RPS6KC1: variants seen among roughly 807,000 people sequenced by gnomAD.
RPS6KC1 encodes ribosomal protein S6 kinase C1.
Under a neutral mutation model 103.8 loss-of-function variants are expected in RPS6KC1, and 54 were observed. The ratio of observed to expected loss-of-function variants is 0.52; its 90% CI spans 0.42 to 0.65. RPS6KC1 has a LOEUF of 0.65. RPS6KC1 is among the 30% of genes least tolerant of loss of function. The pLI, the probability that RPS6KC1 is intolerant of heterozygous loss-of-function variation, is 0.00. For missense variants in RPS6KC1, 1,151 were observed against 1,253.8 expected (o/e 0.92, Z 1.24); for synonymous variants, 439 against 438.7 (o/e 1.00, Z -0.01).
At chr1:213,522,602 A>G in the RPS6KC1 span, among the ~76,000 whole-genome samples, 2 of 152,226 alleles carry the variant, frequency 1.3e-5, no homozygotes, top group African/African-American at 4.8e-5. Flanking sequence ...TGTTTAGTGT[A>G]GCCACCTCCA....
intron 3 of RPS6KC1, among the ~76,000 whole-genome samples, chr1:213,085,655 C>CT (rs1176577964): frequency 2.0e-5 from 3 of 152,076 alleles, no homozygotes; most frequent in Non-Finnish European, 4.4e-5. Context: ...TTCCTTCTCC[C>CT]TTTATCTGTG....
the RPS6KC1 span, among the ~76,000 whole-genome samples, chr1:213,516,229 C>G: frequency 3.1e-4 from 47 of 152,268 alleles, no homozygotes; most frequent in African/African-American, 1.1e-3. Context: ...ATTTCCTTCT[C>G]CTGCCTGATT....
chr1:213,097,427 A>G (rs1272824494), intron 3 of RPS6KC1, among the ~76,000 whole-genome samples: 1 of 152,232 alleles, frequency 6.6e-6, no homozygotes, highest in African/African-American at 2.4e-5. Flanking sequence ...TCAGTAGACC[A>G]TGCTATTAAC....
the RPS6KC1 span, among the ~76,000 whole-genome samples, chr1:213,491,373 C>A: frequency 3.2e-3 from 481 of 152,190 alleles, 1 homozygote; most frequent in African/African-American, 0.011. Context: ...CACGGTGAAA[C>A]CCCATTTCTA....
the RPS6KC1 span, among the ~76,000 whole-genome samples, chr1:213,702,832 A>G: frequency 7.3e-6 from 1 of 137,456 alleles, no homozygotes; most frequent in Non-Finnish European, 1.5e-5. Context: ...TCTTGTAGGC[A>G]ACAGATCATT....
chr1:213,611,324 C>A, the RPS6KC1 span, among the ~76,000 whole-genome samples: 1 of 152,008 alleles, frequency 6.6e-6, no homozygotes, highest in African/African-American at 2.4e-5. Context: ...ACCGAGCTGC[C>A]CCCATGAAGC....
the RPS6KC1 span, among the ~76,000 whole-genome samples, chr1:213,306,493 C>G: frequency 6.6e-6 from 1 of 152,158 alleles, no homozygotes; most frequent in Non-Finnish European, 1.5e-5. Context: ...ATATGTGAAG[C>G]TGTATGCCTT....
the RPS6KC1 span, among the ~76,000 whole-genome samples, chr1:213,860,116 G>A: frequency 6.6e-6 from 1 of 150,716 alleles, no homozygotes; most frequent in African/African-American, 2.4e-5. Context: ...TATATATTCA[G>A]ATATATATAC....
the RPS6KC1 span, among the ~76,000 whole-genome samples, chr1:213,629,032 T>C: frequency 6.6e-6 from 1 of 152,190 alleles, no homozygotes; most frequent in Non-Finnish European, 1.5e-5. Context: ...ATAGGTGTGG[T>C]GTAGTGCTAA....
rs557718992 is a variant in RPS6KC1, at chr1:213,217,531, C to T, written c.1045-12966C>T. Among the ~76,000 whole-genome samples the T allele has an allele frequency of 7.2e-5, 11 of 152,274 alleles. No homozygotes were observed. In the South Asian group the frequency reaches 2.1e-3, roughly 29 times the overall value. ...TCCCTAACTCATTTTATGAGGCCAG[C>T]GTCATCCTGATACCAAAGCCTGACA... is the stretch of plus-strand genomic sequence containing the variant. On this transcript the variant is annotated intron_variant, in intron 8 of 14. Coordinates refer to ENST00000366960, the MANE Select transcript of RPS6KC1 (RefSeq NM_012424.6).
chr1:213,297,470 A>G, the RPS6KC1 span, among the ~76,000 whole-genome samples: 1 of 152,234 alleles, frequency 6.6e-6, no homozygotes, highest in Non-Finnish European at 1.5e-5. Flanking sequence ...GCCTGGAAAC[A>G]GTCTCTTTAC....
At chr1:213,329,043 A>G in the RPS6KC1 span, among the ~76,000 whole-genome samples, 2 of 152,178 alleles carry the variant, frequency 1.3e-5, no homozygotes, top group African/African-American at 4.8e-5. Flanking sequence ...TCTTCAGAGA[A>G]GTGAAGACGT....
chr1:213,673,744 C>T, the RPS6KC1 span, among the ~76,000 whole-genome samples: 1 of 152,130 alleles, frequency 6.6e-6, no homozygotes, highest in African/African-American at 2.4e-5. Context: ...TTAGAATAGC[C>T]CTCTACCATT....
the RPS6KC1 span, among the ~76,000 whole-genome samples, chr1:213,661,351 G>A: frequency 3.3e-5 from 5 of 152,168 alleles, no homozygotes; most frequent in African/African-American, 4.8e-5. Context: ...GTGCTGGGGC[G>A]ATCTTGCCTG....
chr1:213,649,077 A>G, the RPS6KC1 span, among the ~76,000 whole-genome samples: 6 of 152,106 alleles, frequency 3.9e-5, no homozygotes, highest in South Asian at 1.2e-3. Flanking sequence ...GCTCAGAGGA[A>G]GAGGCGGCAT....
the RPS6KC1 span, among the ~76,000 whole-genome samples, chr1:213,555,229 G>A: frequency 1.3e-5 from 2 of 152,302 alleles, no homozygotes; most frequent in South Asian, 4.1e-4. Context: ...CAACTTGAAA[G>A]TGCCACTGAA....
chr1:213,604,192 T>C, the RPS6KC1 span, among the ~76,000 whole-genome samples: 1 of 152,244 alleles, frequency 6.6e-6, no homozygotes, highest in Non-Finnish European at 1.5e-5. Flanking sequence ...TTATCAATTT[T>C]TTCTTCCTTG....
the RPS6KC1 span, among the ~76,000 whole-genome samples, chr1:213,559,547 A>T: frequency 6.6e-6 from 1 of 152,214 alleles, no homozygotes; most frequent in African/African-American, 2.4e-5. Context: ...ACCTGAAGGC[A>T]TTTAAATGAT....
At chr1:213,324,893 G>T in the RPS6KC1 span, among the ~76,000 whole-genome samples, 2 of 151,930 alleles carry the variant, frequency 1.3e-5, no homozygotes, top group Non-Finnish European at 1.5e-5. Context: ...GTGTACACAT[G>T]GGGGGCAGAT....
Sources: gnomAD v4.1 joint callset for allele counts (sites outside exome capture counted in the v4.1 genomes callset) on GRCh38, gnomAD v4.1.1 for gene constraint, MANE v1.5 for transcripts, NCBI Gene and HGNC (gene_info 2026-07-23, HGNC 2026-07-21) for gene names.